ELF1: variants seen among roughly 807,000 people sequenced by gnomAD.
ELF1 encodes the protein ETS-related transcription factor Elf-1.
A neutral mutation model predicts 59.9 loss-of-function variants in ELF1; 24 were observed. The ratio of observed to expected loss-of-function variants is 0.40; its 90% CI spans 0.29 to 0.56. ELF1 has a LOEUF of 0.56. Ranked by LOEUF, ELF1 falls within the 20% of genes least tolerant of loss-of-function variation. The pLI is 0.44. For missense variants in ELF1, 627 were observed against 742.2 expected (o/e 0.84, Z 1.80); for synonymous variants, 248 against 266.2 (o/e 0.93, Z 0.67).
In ELF1 at chr13:40,933,939, G is replaced by C. The variant is rs1778173846; in HGVS notation, c.1346C>G (p.Thr449Arg). Residue 449 changes from threonine (T) to arginine (R), a missense_variant, in exon 9 of 9, where the codon ACA becomes AGA. Physicochemically the swap from Thr to Arg is moderately conservative, Grantham distance 71. This residue lies in a region of ELF1 where 361 missense variants were observed against 396.1 expected (regional missense o/e 0.91). Coordinates refer to ENST00000239882, the MANE Select transcript of ELF1 (RefSeq NM_172373.4). ...TGGATCTGTGCTGGCTATAACTGTT[G>C]TGAGTGGCACTGTTTGGAGTGTTAC... is the stretch of plus-strand genomic sequence containing the variant. ...HTVTLQTVPLTTVIASTDPSA... is the reference protein window; with the variant it reads ...HTVTLQTVPLRTVIASTDPSA... 6.2e-7 allele frequency: 1 copy of C among 1,614,236 alleles called. No homozygotes were observed. Among genetic ancestry groups the C allele is most frequent in the Non-Finnish European group, 8.5e-7 (1 of 1,180,046 alleles).
At chr13:41,032,849 T>TAAA (rs56310760) in intron 1 of ELF1, among the ~76,000 whole-genome samples, 1 of 135,462 alleles carries the variant, frequency 7.4e-6, no homozygotes. Flanking sequence ...ACCTTGTTTC[T>TAAA]AAAAAAAAAA....
intron 1 of ELF1, among the ~76,000 whole-genome samples, chr13:41,034,570 C>T (rs182880026): frequency 3.7e-4 from 56 of 152,142 alleles, no homozygotes; most frequent in Admixed American, 2.0e-3. Flanking sequence ...AAACTGATGA[C>T]ATCATGCATA....
intron 1 of ELF1, among the ~76,000 whole-genome samples, chr13:41,046,380 C>T (rs1303679055): frequency 1.3e-5 from 2 of 152,218 alleles, no homozygotes; most frequent in Non-Finnish European, 2.9e-5. Flanking sequence ...TTCCTAGCAT[C>T]AATGGTCTCT....
At chr13:40,994,479 C>A (rs1305282564) in intron 1 of ELF1, among the ~76,000 whole-genome samples, 1 of 152,030 alleles carries the variant, frequency 6.6e-6, no homozygotes, top group East Asian at 1.9e-4. Flanking sequence ...CTCGTCTCTA[C>A]TAAAAATACA....
At chr13:40,978,236 G>A (rs938886474) in intron 2 of ELF1, among the ~76,000 whole-genome samples, 4 of 151,980 alleles carry the variant, frequency 2.6e-5, no homozygotes, top group Non-Finnish European at 5.9e-5. Flanking sequence ...AAATTAGCTG[G>A]GCGTGGTGGT....
At chr13:41,005,787 CT>C (rs1474139443) in intron 1 of ELF1, among the ~76,000 whole-genome samples, 2 of 150,388 alleles carry the variant, frequency 1.3e-5, no homozygotes, top group Admixed American at 6.7e-5. Flanking sequence ...GTGTGCTCAC[CT>C]TTCACCATGC....
intron 3 of ELF1, among the ~76,000 whole-genome samples, chr13:40,952,860 A>C (rs1031720807): frequency 5.3e-5 from 8 of 150,438 alleles, no homozygotes; most frequent in African/African-American, 1.5e-4. Context: ...CCCTCTGTAC[A>C]GGATTATTTT....
rs372054937 is a variant in ELF1 at position 40,938,419 on chromosome 13, G to C, written c.1256+2502C>G. ...AGAAATGAGTGAAGGACAAAATTAA[G>C]ATGTTGCTGTTTTACTGTAAATAAC... On this transcript the variant is annotated intron_variant, in intron 8 of 8. Coordinates refer to ENST00000239882, the MANE Select transcript of ELF1 (RefSeq NM_172373.4). Among the ~76,000 whole-genome samples, 67 of 152,282 alleles carry C rather than the reference G, an allele frequency of 4.4e-4. 1 individual carries two copies. In the East Asian group the frequency reaches 0.011, roughly 24 times the overall value.
At chr13:40,955,982 C>G (rs1470718193) in intron 3 of ELF1, among the ~76,000 whole-genome samples, 8 of 141,626 alleles carry the variant, frequency 5.6e-5, no homozygotes, top group Non-Finnish European at 3.2e-5. Flanking sequence ...CCAGCCGCCC[C>G]GTCCAGGAGG....
chr13:40,965,098 A>T (rs1197488347), intron 2 of ELF1, among the ~76,000 whole-genome samples: 1 of 152,208 alleles, frequency 6.6e-6, no homozygotes, highest in Non-Finnish European at 1.5e-5. Flanking sequence ...TGCCCGAAAT[A>T]ACTTGTATAA....
chr13:40,946,645 C>T (rs1312222555), intron 5 of ELF1, among the ~76,000 whole-genome samples: 1 of 152,128 alleles, frequency 6.6e-6, no homozygotes, highest in East Asian at 1.9e-4. Flanking sequence ...CCTGAGACAG[C>T]AAGACCAAAC....
intron 8 of ELF1, among the ~76,000 whole-genome samples, chr13:40,936,297 A>G (rs936985161): frequency 1.5e-4 from 23 of 152,068 alleles, no homozygotes; most frequent in African/African-American, 4.8e-4. Flanking sequence ...TTATTATTCT[A>G]TCCTTAAACA....
intron 1 of ELF1, among the ~76,000 whole-genome samples, chr13:40,985,410 G>A (rs936560083): frequency 6.6e-6 from 1 of 152,006 alleles, no homozygotes; most frequent in South Asian, 2.1e-4. Flanking sequence ...AAGTTCTCAC[G>A]GTCTACAAGC....
chr13:40,980,876 A>G (rs1873219158), intron 2 of ELF1, among the ~76,000 whole-genome samples: 1 of 152,240 alleles, frequency 6.6e-6, no homozygotes, highest in South Asian at 2.1e-4. Context: ...AGACTAAGCA[A>G]TTCTCTCCCT....
rs1870743162 is a variant in ELF1 at position 40,949,887 on chromosome 13, C to T, written c.448G>A (p.Val150Met). ...VSVTLDGIPE[V>M]METQQVQEKY... is the part of the protein sequence containing the mutation. ...TCTTGCACCTGCTGTGTTTCCATCA[C>T]TTCAGGAATCCCATCTAATGTGACG... is the stretch of plus-strand genomic sequence containing the variant. Residue 150 changes from valine to methionine, a missense_variant, in exon 5 of 9, where the codon GTG becomes ATG. Around this residue, in one of 3 missense-constraint regions of ELF1, gnomAD observed 232 missense variants for 269.2 expected, o/e 0.86. Coordinates refer to ENST00000239882, the MANE Select transcript of ELF1 (RefSeq NM_172373.4). The T allele has an allele frequency of 6.2e-7, 1 of 1,614,132 alleles. No homozygotes were observed. The highest frequency in any genetic ancestry group is 8.5e-7 in the Non-Finnish European group (1 of 1,180,030).
chr13:40,956,000 CG>C (rs1346397156), intron 3 of ELF1, among the ~76,000 whole-genome samples: 1 of 143,134 alleles, frequency 7.0e-6, no homozygotes, highest in East Asian at 2.0e-4. Context: ...AGGTGAGGGG[CG>C]CCTCTGCCTG....
At position 40,934,416 on chromosome 13, in the gene ELF1, C is replaced by CTTTTTT. The variant is rs10692930; in HGVS notation, c.1257-394_1257-389dup. Among the ~76,000 whole-genome samples the CTTTTTT allele has an allele frequency of 1.6e-3, 167 of 102,440 alleles. 6 individuals are homozygous for CTTTTTT. The highest frequency in any genetic ancestry group is 4.6e-3 in the African/African-American group (131 of 28,392). The allele number at this position is 102,440 out of a possible 152,430, so 67.2% of individuals were successfully genotyped here. ...AGCAAATCTGTTTGATTCATTCCTG[C>CTTTTTT]TTTTTTTTTTTTTTTTTTTTTTTTA... On this transcript the variant is annotated intron_variant, in intron 8 of 8. Transcript: ENST00000239882.
intron 1 of ELF1, among the ~76,000 whole-genome samples, chr13:40,991,064 C>A (rs140783386): frequency 2.0e-5 from 3 of 152,020 alleles, no homozygotes; most frequent in Admixed American, 2.0e-4. Context: ...AACCAAAAAC[C>A]CATGTCTAGT....
chr13:41,029,662 G>A (rs762858674), intron 1 of ELF1, among the ~76,000 whole-genome samples: 2 of 152,174 alleles, frequency 1.3e-5, no homozygotes, highest in Non-Finnish European at 2.9e-5. Flanking sequence ...GATTACAGGC[G>A]TGAGCCAAAG....
Sources: gnomAD v4.1 joint callset for allele counts (sites outside exome capture counted in the v4.1 genomes callset) on GRCh38, gnomAD v4.1.1 for gene constraint, gnomAD v4.1.1 regional missense constraint, MANE v1.5 for transcripts, NCBI Gene and HGNC (gene_info 2026-07-23, HGNC 2026-07-21) for gene names.